AGAP1: variants seen among roughly 807,000 people sequenced by gnomAD.
AGAP1 encodes the protein arf-GAP with GTPase, ANK repeat and PH domain-containing protein 1.
AGAP1 carries 29 observed loss-of-function variants against 105.3 expected under a neutral mutation model. The observed-to-expected ratio is 0.28, with a 90% CI of 0.21 to 0.38. The LOEUF is 0.38. AGAP1 is among the 10% of genes least tolerant of loss of function. The probability of loss-of-function intolerance (pLI) is 1.00; values close to 1 mark genes in which losing one functional copy is unlikely to be tolerated. For synonymous variants in AGAP1, 509 were observed against 485.9 expected, an observed-to-expected ratio of 1.05 and a Z score of -0.63; for missense variants, 998 against 1,165.1, an observed-to-expected ratio of 0.86 and a Z score of 2.09.
In AGAP1 at chr2:235,750,618, G is replaced by A. The variant is rs1575324639; in HGVS notation, c.673+130G>A. ...TCGTTGATGGGTGGGCATTAGTATC[G>A]AGAGCAGTCCATTCCAGAGGCAATT... On this transcript the variant is annotated intron_variant, in intron 6 of 17. Transcript: ENST00000304032. This position sits in a 1 kb window ranked among gnomAD's most constrained non-coding sequence, Gnocchi z 5.3. The A allele has an allele frequency of 9.0e-6, 12 of 1,339,454 alleles. No homozygotes were observed. Among genetic ancestry groups the A allele is most frequent in the East Asian group, 4.7e-5 (2 of 42,810 alleles). 83.0% of individuals were successfully genotyped at this position (1,339,454 alleles called of 1,614,324 possible). A position where few individuals can be genotyped will look rare whatever the true frequency, so the allele number is the denominator to read the frequency against.
In AGAP1 at chr2:235,927,785, G is replaced by A. The variant is rs569072375; in HGVS notation, c.1325-2980G>A. Among the ~76,000 whole-genome samples, 2 of 152,234 alleles carry A rather than the reference G, an allele frequency of 1.3e-5. No homozygotes were observed. The highest frequency in any genetic ancestry group is 1.3e-4 in the Admixed American group (2 of 15,282). ...TCGGAGAACCACTCTCCAGGGAGAAGGAGCAAGAGAAGCGGTGCTCTATTG... is the reference window on the plus strand; with the variant it reads ...TCGGAGAACCACTCTCCAGGGAGAAAGAGCAAGAGAAGCGGTGCTCTATTG... On this transcript the variant is annotated intron_variant, in intron 11 of 17. Transcript: ENST00000304032. This position sits in a 1 kb window ranked among gnomAD's most constrained non-coding sequence, Gnocchi z 4.4.
chr2:236,064,467 A>G (rs1488261292), intron 16 of AGAP1, among the ~76,000 whole-genome samples: 1 of 152,146 alleles, frequency 6.6e-6, no homozygotes, highest in East Asian at 1.9e-4. Context: ...ATAGTGGCAC[A>G]CATCTGTAAT....
intron 6 of AGAP1, among the ~76,000 whole-genome samples, chr2:235,778,129 T>G (rs1307025724): frequency 6.6e-6 from 1 of 152,112 alleles, no homozygotes; most frequent in African/African-American, 2.4e-5. Flanking sequence ...GGGTGGCCCC[T>G]CTGTCCCTGG....
rs544852735 is a variant in AGAP1, at chr2:235,954,888, C to T, written c.1484-13574C>T. Among the ~76,000 whole-genome samples, 4 of 152,240 alleles carry T rather than the reference C, an allele frequency of 2.6e-5. No individual in the cohort carries two copies. In the East Asian group the frequency reaches 7.7e-4, roughly 29 times the overall value. On this transcript the variant is annotated intron_variant, in intron 12 of 17. Transcript: ENST00000304032. ...TGACCAGGGCATGGGTCTCTCTGTCCCTCCATGTGTCTGGATGTTGTCTAG... is the reference window on the plus strand; with the variant it reads ...TGACCAGGGCATGGGTCTCTCTGTCTCTCCATGTGTCTGGATGTTGTCTAG...
chr2:235,923,448 C>T (rs2052285897), intron 11 of AGAP1, among the ~76,000 whole-genome samples: 1 of 152,132 alleles, frequency 6.6e-6, no homozygotes, highest in Non-Finnish European at 1.5e-5. Flanking sequence ...TTACAGGGGC[C>T]GCCACTCACA....
At chr2:235,746,141 C>CG (rs1559427231) in intron 5 of AGAP1, among the ~76,000 whole-genome samples, 1 of 151,724 alleles carries the variant, frequency 6.6e-6, no homozygotes, top group Non-Finnish European at 1.5e-5. Context: ...AATAAAAAGC[C>CG]GGGCATGTTG....
At chr2:235,768,781 G>A (rs1229022327) in intron 6 of AGAP1, among the ~76,000 whole-genome samples, 1 of 152,192 alleles carries the variant, frequency 6.6e-6, no homozygotes, top group Non-Finnish European at 1.5e-5. Flanking sequence ...CCTGCTCCCA[G>A]CACTGTTAGC....
rs2125553928 is a variant in AGAP1 at position 236,009,398 on chromosome 2, C to G, written c.1646-27163C>G. 6.6e-6 allele frequency among the ~76,000 whole-genome samples: 1 copy of G among 152,270 alleles called. No individual in the cohort carries two copies. The highest frequency in any genetic ancestry group is 1.9e-4 in the East Asian group (1 of 5,176). ...CCTGCCGAGGTTCCTGGGGGATGAT[C>G]TTTGTGTAAAGGATCCTGGTGCCGC... On this transcript the variant is annotated intron_variant, in intron 13 of 17. Coordinates refer to ENST00000304032, the MANE Select transcript of AGAP1 (RefSeq NM_001037131.3). This position sits in a 1 kb window ranked among gnomAD's most constrained non-coding sequence, Gnocchi z 4.2.
chr2:235,792,079 G>A lies in AGAP1; in HGVS notation c.674-5680G>A, dbSNP rs1957011568. Among the ~76,000 whole-genome samples the A allele has an allele frequency of 1.3e-5, 2 of 152,168 alleles. No individual in the cohort carries two copies. Among genetic ancestry groups the A allele is most frequent in the South Asian group, 2.1e-4 (1 of 4,822 alleles). On this transcript the variant is annotated intron_variant, in intron 6 of 17. Transcript: ENST00000304032. The surrounding 1 kb of genome is among the most constrained non-coding windows in gnomAD (Gnocchi z 5.3). The stretch of plus-strand genomic sequence containing the variant: ...CGTACTTTATAATCCCTACCTAACA[G>A]TGCTTACTCGGAATTGCTCCCCCGC...
intron 13 of AGAP1, among the ~76,000 whole-genome samples, chr2:235,997,081 T>G (rs115346613): frequency 1.5e-3 from 230 of 152,306 alleles, no homozygotes; most frequent in African/African-American, 5.2e-3. Context: ...ATATTGCCTT[T>G]AATGAAGATC....
At chr2:235,613,199 T>C (rs1227324177) in intron 1 of AGAP1, among the ~76,000 whole-genome samples, 1 of 152,148 alleles carries the variant, frequency 6.6e-6, no homozygotes, top group East Asian at 1.9e-4. Flanking sequence ...TTTCGCCATT[T>C]TGGCCAGGCT....
At chr2:235,955,858 A>G (rs1025144391) in intron 12 of AGAP1, among the ~76,000 whole-genome samples, 5 of 152,184 alleles carry the variant, frequency 3.3e-5, no homozygotes, top group Non-Finnish European at 7.4e-5. Context: ...AGGTGCATTC[A>G]GGACCCTGGA....
At chr2:235,519,581 G>C (rs1295626710) in intron 1 of AGAP1, among the ~76,000 whole-genome samples, 1 of 152,046 alleles carries the variant, frequency 6.6e-6, no homozygotes, top group Non-Finnish European at 1.5e-5. Context: ...TATATGTGTT[G>C]TGTGTGCATA....
chr2:235,918,826 AGTATT>A (rs2052028039), intron 11 of AGAP1, among the ~76,000 whole-genome samples: 1 of 151,970 alleles, frequency 6.6e-6, no homozygotes, highest in African/African-American at 2.4e-5. Flanking sequence ...TTCAGAAGTA[AGTATT>A]GTACTTCCTA....
rs1575744719 is a variant in AGAP1, at chr2:235,905,469, C to T, written c.1156-3269C>T. On this transcript the variant is annotated intron_variant, in intron 10 of 17. Transcript: ENST00000304032. This position sits in a 1 kb window ranked among gnomAD's most constrained non-coding sequence, Gnocchi z 4.2. ...TTTTTTAGGAAGTGACCAACACTCA[C>T]CACTCTACGGTGTGCTTTTCCTTTC... Among the ~76,000 whole-genome samples, 2 of 152,278 alleles carry T rather than the reference C, an allele frequency of 1.3e-5. No individual in the cohort carries two copies. Among genetic ancestry groups the T allele is most frequent in the Admixed American group, 1.3e-4 (2 of 15,292 alleles).
rs1237835522 is a variant in AGAP1, at chr2:235,807,273, A to G, written c.992A>G (p.Lys331Arg). 6.2e-7 allele frequency: 1 copy of G among 1,607,520 alleles called. No individual in the cohort carries two copies. Among genetic ancestry groups the G allele is most frequent in the Admixed American group, 1.7e-5 (1 of 57,876 alleles). ...GGGAGCGACCCAGACAAAGAGAAGA[A>G]AGGCCTGGAGAGTCGTGCGGACAGC... is the stretch of plus-strand genomic sequence containing the variant. ...RKGSDPDKEK[K>R]GLESRADSIG... Residue 331 changes from lysine to arginine, a missense_variant, in exon 9 of 18, where the codon AAA (lysine) becomes AGA (arginine). Physicochemically the swap from Lys to Arg is conservative, Grantham distance 26. Transcript: ENST00000304032.
In AGAP1 at chr2:235,700,241, G is replaced by A. The variant is rs1483470004; in HGVS notation, c.164-8938G>A. ...AACACAGTTCTTCTGAAGGAAATGCGGAAGATAATCCCAGCAGTGCAGGAG... is the reference window on the plus strand; with the variant it reads ...AACACAGTTCTTCTGAAGGAAATGCAGAAGATAATCCCAGCAGTGCAGGAG... On this transcript the variant is annotated intron_variant, in intron 1 of 17. Coordinates refer to ENST00000304032, the MANE Select transcript of AGAP1 (RefSeq NM_001037131.3). This position sits in a 1 kb window ranked among gnomAD's most constrained non-coding sequence, Gnocchi z 6.1. Among the ~76,000 whole-genome samples, 7 of 152,174 alleles carry A rather than the reference G, an allele frequency of 4.6e-5. No individual in the cohort carries two copies. Among genetic ancestry groups the A allele is most frequent in the Non-Finnish European group, 7.4e-5 (5 of 68,024 alleles).
chr2:235,694,956 G>A (rs2149454659), intron 1 of AGAP1, among the ~76,000 whole-genome samples: 1 of 152,358 alleles, frequency 6.6e-6, no homozygotes, highest in Non-Finnish European at 1.5e-5. Flanking sequence ...GGATGCCCAG[G>A]GCGGGTGAGA....
chr2:235,922,056 C>T (rs1263583269), intron 11 of AGAP1, among the ~76,000 whole-genome samples: 1 of 152,220 alleles, frequency 6.6e-6, no homozygotes, highest in Non-Finnish European at 1.5e-5. Flanking sequence ...CCTCCTTCAT[C>T]CAGTTGTGAT....
Sources: allele counts gnomAD v4.1 joint callset (sites outside exome capture counted in the v4.1 genomes callset), GRCh38; gene constraint gnomAD v4.1.1; non-coding constraint Gnocchi (gnomAD v3.1); transcripts MANE v1.5; gene names NCBI Gene and HGNC (gene_info 2026-07-23, HGNC 2026-07-21).